Variants in RGS7 observed in about 807,000 individuals in gnomAD.
The protein encoded by RGS7 is regulator of G-protein signaling 7.
A neutral mutation model predicts 81.1 loss-of-function variants in RGS7; 27 were observed. The observed-to-expected ratio is 0.33, with a 90% CI of 0.25 to 0.46. The LOEUF (loss-of-function observed/expected upper bound fraction) is 0.46, where lower values mean the gene tolerates loss of function less well. RGS7 is among the 20% of genes least tolerant of loss of function. The probability of loss-of-function intolerance (pLI) is 1.00; values close to 1 mark genes in which losing one functional copy is unlikely to be tolerated. For missense variants in RGS7, 396 were observed against 607.4 expected (o/e 0.65, Z 3.66); for synonymous variants, 208 against 207.7 (o/e 1.00, Z -0.01).
rs141116122 is a variant in RGS7, at chr1:241,005,837, G to A, written c.176-22708C>T. 7.2e-5 allele frequency among the ~76,000 whole-genome samples: 11 copies of A among 152,122 alleles called. No homozygotes were observed. The East Asian group carries it at 7.8e-4, about 11-fold the overall frequency. On this transcript the variant is annotated intron_variant, in intron 3 of 18. Transcript: ENST00000440928. ...GGCGTGAGCCACCGCGCCCGGCCAC[G>A]TCTGGCATCTTTTGCTCAACATACT...
chr1:241,060,236 C>A (rs2061676072), intron 3 of RGS7, among the ~76,000 whole-genome samples: 2 of 152,202 alleles, frequency 1.3e-5, no homozygotes, highest in African/African-American at 4.8e-5. Flanking sequence ...TAGGTAGCAA[C>A]AAGTCAAAAG....
intron 3 of RGS7, among the ~76,000 whole-genome samples, chr1:241,086,574 T>C (rs1238227089): frequency 3.3e-5 from 5 of 151,746 alleles, no homozygotes; most frequent in African/African-American, 4.8e-5. Flanking sequence ...CCCAGCCTTG[T>C]CTCCCTTTTC....
intron 9 of RGS7, among the ~76,000 whole-genome samples, chr1:240,829,856 A>AT (rs1693523635): frequency 6.6e-6 from 1 of 151,900 alleles, no homozygotes; most frequent in South Asian, 2.1e-4. Flanking sequence ...TGTCATAGAG[A>AT]TTTTCTTCCA....
At chr1:241,349,523 G>A (rs1000837369) in intron 2 of RGS7, among the ~76,000 whole-genome samples, 1 of 152,198 alleles carries the variant, frequency 6.6e-6, no homozygotes, top group Non-Finnish European at 1.5e-5. Flanking sequence ...TTGCCTGTTA[G>A]TGTTCCAATG....
At chr1:241,215,635 A>G (rs912495983) in intron 2 of RGS7, among the ~76,000 whole-genome samples, 1 of 152,184 alleles carries the variant, frequency 6.6e-6, no homozygotes, top group Non-Finnish European at 1.5e-5. Flanking sequence ...TAGGACTTCA[A>G]AAATTTTTTT....
chr1:240,946,265 A>AT (rs1420298675), intron 4 of RGS7, among the ~76,000 whole-genome samples: 2 of 152,006 alleles, frequency 1.3e-5, no homozygotes, highest in South Asian at 2.1e-4. Flanking sequence ...TAATTTCACT[A>AT]TTTTTTGTAA....
chr1:240,894,747 T>A (rs941323972), intron 6 of RGS7, among the ~76,000 whole-genome samples: 1 of 152,166 alleles, frequency 6.6e-6, no homozygotes, highest in Non-Finnish European at 1.5e-5. Flanking sequence ...AAATTTCTTG[T>A]CAATCTGTTT....
intron 9 of RGS7, among the ~76,000 whole-genome samples, chr1:240,830,030 A>C (rs756270408): frequency 1.3e-5 from 2 of 152,166 alleles, no homozygotes; most frequent in Non-Finnish European, 2.9e-5. Flanking sequence ...GGTGATAGGG[A>C]GGAATAAAAA....
chr1:240,788,256 T>G (rs936906710), intron 18 of RGS7, among the ~76,000 whole-genome samples: 4 of 152,226 alleles, frequency 2.6e-5, no homozygotes, highest in Non-Finnish European at 5.9e-5. Context: ...AAATGCAGTA[T>G]GCCATATATT....
intron 2 of RGS7, among the ~76,000 whole-genome samples, chr1:241,304,011 T>C (rs762365894): frequency 6.6e-6 from 1 of 152,246 alleles, no homozygotes; most frequent in Non-Finnish European, 1.5e-5. Context: ...ATATTTTGCA[T>C]TCTATCACTT....
chr1:241,304,434 G>A (rs2079960622), intron 2 of RGS7, among the ~76,000 whole-genome samples: 1 of 152,210 alleles, frequency 6.6e-6, no homozygotes, highest in African/African-American at 2.4e-5. Flanking sequence ...ACAGCCAACA[G>A]CAGTTGTGAG....
intron 4 of RGS7, among the ~76,000 whole-genome samples, chr1:240,942,616 A>G (rs1677790837): frequency 6.6e-6 from 1 of 152,198 alleles, no homozygotes; most frequent in East Asian, 1.9e-4. Context: ...AAGAAAATCT[A>G]AAAAGAAAAA....
At chr1:240,823,162 T>C (rs1692112627) in intron 10 of RGS7, 10 of 1,154,948 alleles carry the variant, frequency 8.7e-6, no homozygotes, top group East Asian at 2.4e-5. Context: ...GATTTCCCCA[T>C]AGAAGTCCTC....
At chr1:241,024,251 A>G (rs1219661286) in intron 3 of RGS7, among the ~76,000 whole-genome samples, 2 of 152,230 alleles carry the variant, frequency 1.3e-5, no homozygotes, top group Non-Finnish European at 2.9e-5. Context: ...CAGGTGCTCA[A>G]AAGCTGGAAG....
At chr1:240,998,773 C>T (rs140737646) in intron 3 of RGS7, 9 of 711,742 alleles carry the variant, frequency 1.3e-5, no homozygotes, top group Middle Eastern at 4.1e-4. Context: ...TAGATGCAGG[C>T]GAGCTGGGAG....
intron 9 of RGS7, among the ~76,000 whole-genome samples, chr1:240,835,497 C>CA (rs1694576059): frequency 6.6e-6 from 1 of 152,200 alleles, no homozygotes; most frequent in African/African-American, 2.4e-5. Context: ...AGTGGGAATG[C>CA]AAAATGGTTC....
chr1:241,072,271 G>A (rs1276441438), intron 3 of RGS7, among the ~76,000 whole-genome samples: 1 of 152,226 alleles, frequency 6.6e-6, no homozygotes, highest in East Asian at 1.9e-4. Flanking sequence ...GGCGTTGCAT[G>A]CTCCCACAAA....
intron 3 of RGS7, among the ~76,000 whole-genome samples, chr1:241,012,151 A>G (rs2058988994): frequency 6.6e-6 from 1 of 152,158 alleles, no homozygotes; most frequent in Non-Finnish European, 1.5e-5. Context: ...TACATTGACT[A>G]TACCCAGAGA....
chr1:241,106,145 T>A (rs1236720863), intron 2 of RGS7, among the ~76,000 whole-genome samples: 1 of 152,234 alleles, frequency 6.6e-6, no homozygotes, highest in Non-Finnish European at 1.5e-5. Flanking sequence ...GTAGAGTCAG[T>A]CTCTAATGAA....
Sources: gnomAD v4.1 joint callset for allele counts (sites outside exome capture counted in the v4.1 genomes callset) on GRCh38, gnomAD v4.1.1 for gene constraint, MANE v1.5 for transcripts, NCBI Gene and HGNC (gene_info 2026-07-23, HGNC 2026-07-21) for gene names.